GALNTL6: variants seen among roughly 807,000 people sequenced by gnomAD.
GALNTL6 encodes polypeptide N-acetylgalactosaminyltransferase like 6, also known as polypeptide N-acetylgalactosaminyltransferase-like 6.
A neutral mutation model predicts 73.7 loss-of-function variants in GALNTL6; 46 were observed. That is an observed-to-expected ratio of 0.62 (90% CI 0.49 to 0.80). The LOEUF (loss-of-function observed/expected upper bound fraction) is 0.80. Among genes scored for constraint, GALNTL6 ranks in the 30% least tolerant of loss-of-function variants. The pLI is 0.00. For synonymous variants in GALNTL6, 259 were observed against 263.7 expected (o/e 0.98, Z 0.17); for missense variants, 604 against 755.0 (o/e 0.80, Z 2.34).
chr4:172,903,985 C>T (rs188580805), intron 8 of GALNTL6, among the ~76,000 whole-genome samples: 184 of 152,210 alleles, frequency 1.2e-3, no homozygotes, highest in African/African-American at 4.3e-3. Flanking sequence ...CCCTTAGATC[C>T]CTCCCTGCAC....
chr4:172,287,209 A>C (rs1266956843), intron 3 of GALNTL6, among the ~76,000 whole-genome samples: 2 of 152,232 alleles, frequency 1.3e-5, no homozygotes, highest in Non-Finnish European at 2.9e-5. Context: ...CTCCAAGTGC[A>C]GAATGGAAGA....
At chr4:172,327,742 T>C (rs924920009) in intron 4 of GALNTL6, among the ~76,000 whole-genome samples, 6 of 152,170 alleles carry the variant, frequency 3.9e-5, no homozygotes, top group South Asian at 4.1e-4. Flanking sequence ...TTTATTTTCT[T>C]AGGAGATTTT....
chr4:172,902,182 G>A (rs1190794003), intron 8 of GALNTL6, among the ~76,000 whole-genome samples: 4 of 152,108 alleles, frequency 2.6e-5, no homozygotes, highest in Admixed American at 6.5e-5. Context: ...CTTAAATGTT[G>A]TCTACTGTTT....
chr4:172,968,099 T>C (rs1750414553), intron 10 of GALNTL6, among the ~76,000 whole-genome samples: 1 of 152,100 alleles, frequency 6.6e-6, no homozygotes, highest in Admixed American at 6.6e-5. Flanking sequence ...GGACATGATC[T>C]TACATAAAAC....
At chr4:172,573,640 G>C (rs1207249895) in intron 5 of GALNTL6, among the ~76,000 whole-genome samples, 1 of 152,018 alleles carries the variant, frequency 6.6e-6, no homozygotes, top group Non-Finnish European at 1.5e-5. Context: ...CCAGGGTATT[G>C]GCCTGAAAAG....
rs915014304 is a variant in GALNTL6, at chr4:171,971,349, C to A, written c.138+156631C>A. Among the ~76,000 whole-genome samples the A allele has an allele frequency of 2.0e-5, 3 of 152,198 alleles. No individual in the cohort carries two copies. The East Asian group carries it at 5.8e-4, about 29-fold the overall frequency. ...TGACTTCGCTACGGACTACAAGGTT[C>A]CAAAGACTTGGAGAAGACAGTCCAG... On this transcript the variant is annotated intron_variant, in intron 2 of 12. Transcript: ENST00000506823.
chr4:173,031,654 A>C (rs184969473), intron 12 of GALNTL6, among the ~76,000 whole-genome samples: 4 of 152,296 alleles, frequency 2.6e-5, no homozygotes, highest in Admixed American at 2.0e-4. Flanking sequence ...AACTCTGGGT[A>C]GAATACTTAG....
At chr4:172,015,493 T>A (rs1045995480) in intron 2 of GALNTL6, among the ~76,000 whole-genome samples, 3 of 152,144 alleles carry the variant, frequency 2.0e-5, no homozygotes, top group Admixed American at 2.0e-4. Context: ...TGGATTTTTA[T>A]CCATTCTGCC....
intron 2 of GALNTL6, 28 bp downstream of exon 2, chr4:171,814,746 C>T: frequency 6.2e-7 from 1 of 1,611,684 alleles, no homozygotes; most frequent in Non-Finnish European, 8.5e-7. Flanking sequence ...AAAGATCACA[C>T]AAGGATTGGT....
At chr4:171,896,225 T>C (rs1036160866) in intron 2 of GALNTL6, among the ~76,000 whole-genome samples, 1 of 152,236 alleles carries the variant, frequency 6.6e-6, no homozygotes, top group African/African-American at 2.4e-5. Flanking sequence ...AACATTCTGT[T>C]TTAATTATTT....
chr4:173,034,153 C>T (rs1221545400), intron 12 of GALNTL6, among the ~76,000 whole-genome samples: 1 of 152,208 alleles, frequency 6.6e-6, no homozygotes, highest in Non-Finnish European at 1.5e-5. Context: ...TCTCAGATCA[C>T]TCCCTGGGTC....
chr4:171,983,095 T>G (rs932871722), intron 2 of GALNTL6, among the ~76,000 whole-genome samples: 14 of 152,166 alleles, frequency 9.2e-5, no homozygotes, highest in Admixed American at 2.6e-4. Flanking sequence ...TCCTATGATT[T>G]ATATTTTTTT....
chr4:172,035,797 G>C (rs1184944935), intron 2 of GALNTL6, among the ~76,000 whole-genome samples: 3 of 152,106 alleles, frequency 2.0e-5, no homozygotes, highest in Non-Finnish European at 4.4e-5. Flanking sequence ...ATGGGTTTTT[G>C]AGATGGCTTT....
chr4:172,810,622 A>C (rs985790369), intron 6 of GALNTL6, among the ~76,000 whole-genome samples: 2 of 152,146 alleles, frequency 1.3e-5, no homozygotes, highest in Admixed American at 6.6e-5. Flanking sequence ...AATCAATTGA[A>C]ACTGTGTAGG....
chr4:171,900,209 G>A (rs1193537277), intron 2 of GALNTL6, among the ~76,000 whole-genome samples: 2 of 152,142 alleles, frequency 1.3e-5, no homozygotes, highest in Admixed American at 6.6e-5. Context: ...GTAGAAAAAT[G>A]TTCTCAGCAG....
At chr4:172,454,021 C>T (rs1420346880) in intron 5 of GALNTL6, among the ~76,000 whole-genome samples, 1 of 152,146 alleles carries the variant, frequency 6.6e-6, no homozygotes, top group Non-Finnish European at 1.5e-5. Flanking sequence ...TACAGGCAAG[C>T]ATGGTGCTAT....
chr4:172,448,408 A>C (rs1732100358), intron 5 of GALNTL6, among the ~76,000 whole-genome samples: 1 of 152,054 alleles, frequency 6.6e-6, no homozygotes, highest in Non-Finnish European at 1.5e-5. Context: ...CCCAGGTGAG[A>C]CTTCTTTAGA....
intron 5 of GALNTL6, among the ~76,000 whole-genome samples, chr4:172,514,829 T>G (rs532287049): frequency 1.3e-5 from 2 of 152,142 alleles, no homozygotes; most frequent in Admixed American, 1.3e-4. Context: ...TCTAAATTTA[T>G]TTCAGCTCTA....
chr4:171,967,201 G>A (rs1739410232), intron 2 of GALNTL6, among the ~76,000 whole-genome samples: 1 of 152,152 alleles, frequency 6.6e-6, no homozygotes, highest in South Asian at 2.1e-4. Context: ...TGATAAAATA[G>A]CTGCTAGATT....
Sources: gnomAD v4.1 joint callset for allele counts (sites outside exome capture counted in the v4.1 genomes callset) on GRCh38, gnomAD v4.1.1 for gene constraint, MANE v1.5 for transcripts, NCBI Gene and HGNC (gene_info 2026-07-23, HGNC 2026-07-21) for gene names.